The following PDE1C variants were observed in gnomAD, a reference collection of about 807,000 sequenced individuals.
PDE1C encodes the protein dual specificity calcium/calmodulin-dependent 3',5'-cyclic nucleotide phosphodiesterase 1C.
In PDE1C, 62 loss-of-function variants were observed where a neutral mutation model predicts 93.1. The observed-to-expected ratio is 0.67, with a 90% CI of 0.54 to 0.82. PDE1C has a LOEUF of 0.82. Ranked by LOEUF, PDE1C falls within the 40% of genes least tolerant of loss-of-function variation. PDE1C has a pLI of 0.00. For synonymous variants in PDE1C, 325 were observed against 310.1 expected, an observed-to-expected ratio of 1.05 and a Z score of -0.50; for missense variants, 742 against 884.6, an observed-to-expected ratio of 0.84 and a Z score of 2.04.
intron 1 of PDE1C, among the ~76,000 whole-genome samples, chr7:32,056,101 T>C (rs1794040294): frequency 6.6e-6 from 1 of 152,108 alleles, no homozygotes; most frequent in Non-Finnish European, 1.5e-5. Flanking sequence ...AATCTCAAGA[T>C]TTCATGTAGC....
intron 2 of PDE1C, among the ~76,000 whole-genome samples, chr7:31,888,810 A>G (rs1395716530): frequency 3.3e-5 from 5 of 151,780 alleles, no homozygotes; most frequent in African/African-American, 1.2e-4. Flanking sequence ...GAAAAAAATA[A>G]TATCTTTAAA....
At chr7:32,349,008 C>T (rs1049181761) in intron 1 of PDE1C, among the ~76,000 whole-genome samples, 5 of 152,220 alleles carry the variant, frequency 3.3e-5, no homozygotes, top group African/African-American at 1.2e-4. Flanking sequence ...GACAGTCTAA[C>T]AGAACCAACA....
At chr7:32,247,747 T>C (rs912140036) in intron 1 of PDE1C, among the ~76,000 whole-genome samples, 1 of 152,202 alleles carries the variant, frequency 6.6e-6, no homozygotes, top group African/African-American at 2.4e-5. Context: ...CCCAACTATA[T>C]GCTAGTATAA....
At chr7:32,191,643 C>A (rs953100029) in intron 2 of PDE1C, among the ~76,000 whole-genome samples, 2 of 152,148 alleles carry the variant, frequency 1.3e-5, no homozygotes, top group Admixed American at 1.3e-4. Flanking sequence ...TGGGTTGCTT[C>A]CAATTTTTGG....
chr7:31,622,686 C>A, the PDE1C span, among the ~76,000 whole-genome samples: 339 of 152,114 alleles, frequency 2.2e-3, no homozygotes, highest in African/African-American at 7.9e-3. Flanking sequence ...CCTAACATCA[C>A]AATTAAAAGA....
chr7:31,652,665 CA>C, the PDE1C span: 1 of 1,613,870 alleles, frequency 6.2e-7, no homozygotes, highest in Non-Finnish European at 8.5e-7. Context: ...CGATGATGGC[CA>C]GGAGGCTCCC....
At chr7:32,056,368 A>ACAC (rs1794095353) in intron 1 of PDE1C, among the ~76,000 whole-genome samples, 92 of 119,270 alleles carry the variant, frequency 7.7e-4, no homozygotes, top group South Asian at 2.9e-3. Flanking sequence ...CTCTCACTGA[A>ACAC]ACACACACAC....
At chr7:32,339,209 A>AC (rs1379751783) in intron 1 of PDE1C, among the ~76,000 whole-genome samples, 3 of 152,214 alleles carry the variant, frequency 2.0e-5, no homozygotes, top group African/African-American at 7.2e-5. Flanking sequence ...CAACTACTGT[A>AC]CGATTCCATA....
At chr7:31,880,654 C>T in intron 3 of PDE1C, 93 bp downstream of exon 3, 1 of 726,500 alleles carries the variant, frequency 1.4e-6, no homozygotes, top group Admixed American at 2.3e-5. Context: ...TTGAATGTCA[C>T]CCCATTCCTG....
At chr7:31,741,996 G>A in the PDE1C span, among the ~76,000 whole-genome samples, 15 of 152,174 alleles carry the variant, frequency 9.9e-5, no homozygotes, top group Admixed American at 4.6e-4. Flanking sequence ...TGAGAGCTCC[G>A]GAGACCTAAG....
intron 1 of PDE1C, among the ~76,000 whole-genome samples, chr7:32,217,551 G>A (rs1342532237): frequency 3.9e-5 from 6 of 152,226 alleles, no homozygotes; most frequent in Non-Finnish European, 7.3e-5. Context: ...TCTGGCGATG[G>A]CTGAATCGTG....
At chr7:31,819,770 T>G (rs1788731974) in intron 14 of PDE1C, among the ~76,000 whole-genome samples, 1 of 152,106 alleles carries the variant, frequency 6.6e-6, no homozygotes. Flanking sequence ...AGGGTCTCAG[T>G]TAAAAACTGT....
intron 2 of PDE1C, among the ~76,000 whole-genome samples, chr7:31,927,783 G>A (rs1414894929): frequency 6.6e-6 from 1 of 151,998 alleles, no homozygotes; most frequent in Admixed American, 6.6e-5. Context: ...CCCATCCAAA[G>A]GCCATCAGCA....
At position 31,964,329 on chromosome 7, in the gene PDE1C, G is replaced by T. The variant is rs578178044; in HGVS notation, c.129-83469C>A. Among the ~76,000 whole-genome samples the T allele has an allele frequency of 7.0e-4, 107 of 152,336 alleles. 2 individuals carry two copies. The Middle Eastern group carries it at 0.024, about 34-fold the overall frequency. ...ATTATACCCCACACCTGGCTTGGAG[G>T]GTCCTATGCCCACGGAGCCTCGCTC... On this transcript the variant is annotated intron_variant, in intron 2 of 17. Transcript: ENST00000396191.
At chr7:32,083,299 G>GA (rs1796836343) in intron 3 of PDE1C, among the ~76,000 whole-genome samples, 1 of 150,356 alleles carries the variant, frequency 6.7e-6, no homozygotes, top group South Asian at 2.1e-4. Flanking sequence ...GAAGTTTACA[G>GA]AAAAAAGAAT....
At chr7:31,950,226 G>A (rs950266421) in intron 2 of PDE1C, among the ~76,000 whole-genome samples, 2 of 152,154 alleles carry the variant, frequency 1.3e-5, no homozygotes, top group African/African-American at 2.4e-5. Context: ...TGCTCAGTGG[G>A]CACTGTGTGT....
At chr7:31,822,227 T>C (rs1325515184) in intron 14 of PDE1C, among the ~76,000 whole-genome samples, 1 of 151,966 alleles carries the variant, frequency 6.6e-6, no homozygotes, top group Non-Finnish European at 1.5e-5. Flanking sequence ...AACCGACTCT[T>C]GTTGAAGGCT....
At chr7:32,182,507 A>G (rs1004819997) in intron 2 of PDE1C, among the ~76,000 whole-genome samples, 1 of 152,228 alleles carries the variant, frequency 6.6e-6, no homozygotes, top group Non-Finnish European at 1.5e-5. Flanking sequence ...ACGCAAATCA[A>G]TAAACGTAAT....
At chr7:32,092,300 C>T (rs1245527388) in intron 3 of PDE1C, among the ~76,000 whole-genome samples, 1 of 152,124 alleles carries the variant, frequency 6.6e-6, no homozygotes, top group African/African-American at 2.4e-5. Context: ...TGTTCCCTCC[C>T]TTCATGTCGG....
Sources: gnomAD v4.1 joint callset for allele counts (sites outside exome capture counted in the v4.1 genomes callset) on GRCh38, gnomAD v4.1.1 for gene constraint, MANE v1.5 for transcripts, NCBI Gene and HGNC (gene_info 2026-07-23, HGNC 2026-07-21) for gene names.